TMEM50B: variants seen among roughly 807,000 people sequenced by gnomAD.
TMEM50B encodes the protein transmembrane protein 50B, also known as HCV p7-trans-regulated protein 3.
Under a neutral mutation model 23.4 loss-of-function variants are expected in TMEM50B, and 14 were observed. The observed-to-expected ratio is 0.60, with a 90% CI of 0.39 to 0.93. The LOEUF is 0.93. Among genes scored for constraint, TMEM50B ranks in the 40% least tolerant of loss-of-function variants. The pLI is 0.00. For missense variants in TMEM50B, 159 were observed against 193.0 expected (o/e 0.82, Z 1.04); for synonymous variants, 64 against 62.3 (o/e 1.03, Z -0.13).
At chr21:33,459,368 T>G (rs1382816588) in intron 5 of TMEM50B, among the ~76,000 whole-genome samples, 1 of 152,058 alleles carries the variant, frequency 6.6e-6, no homozygotes, top group African/African-American at 2.4e-5. Context: ...ACCCATGACT[T>G]AAAAATTACA....
intron 7 of TMEM50B, among the ~76,000 whole-genome samples, chr21:33,442,216 T>G (rs950291167): frequency 2.0e-5 from 3 of 152,148 alleles, no homozygotes; most frequent in South Asian, 2.1e-4. Flanking sequence ...CTTCCGGAGA[T>G]GCAGTCATGC....
At chr21:33,451,447 A>G (rs749522964) in intron 6 of TMEM50B, among the ~76,000 whole-genome samples, 4 of 152,212 alleles carry the variant, frequency 2.6e-5, no homozygotes, top group Non-Finnish European at 5.9e-5. Flanking sequence ...CTATAAAAAA[A>G]TGCTATAAAT....
At chr21:33,432,584 T>C in exon 9 of TMEM50B, 1 of 1,022,958 alleles carries the variant, frequency 9.8e-7, no homozygotes, top group Non-Finnish European at 1.5e-6. Context: ...CAGGTGAGGG[T>C]GGGGGGTAGA....
chr21:33,479,451 G>A (rs2123471794), intron 1 of TMEM50B: 2 of 152,420 alleles, frequency 1.3e-5, no homozygotes, highest in Middle Eastern at 3.4e-3. Flanking sequence ...GCCGCAGCAG[G>A]GCGTCCCGAA....
intron 7 of TMEM50B, among the ~76,000 whole-genome samples, chr21:33,440,382 G>A (rs1010799793): frequency 2.0e-5 from 3 of 152,140 alleles, no homozygotes; most frequent in East Asian, 1.9e-4. Context: ...GAGGCCAGGA[G>A]TTTGAGACCA....
At chr21:33,440,576 C>CT (rs984368368) in intron 7 of TMEM50B, among the ~76,000 whole-genome samples, 1 of 149,720 alleles carries the variant, frequency 6.7e-6, no homozygotes, top group Non-Finnish European at 1.5e-5. Context: ...GAGCGAGACT[C>CT]TGTCTCAAAA....
intron 5 of TMEM50B, among the ~76,000 whole-genome samples, chr21:33,457,574 C>A (rs2084180678): frequency 1.3e-5 from 2 of 151,718 alleles, no homozygotes; most frequent in East Asian, 3.9e-4. Context: ...TCGCTTGAAC[C>A]CGGGAGGCAG....
intron 8 of TMEM50B, among the ~76,000 whole-genome samples, chr21:33,434,848 G>A (rs1186218207): frequency 6.6e-6 from 1 of 151,968 alleles, no homozygotes; most frequent in Non-Finnish European, 1.5e-5. Context: ...TCTCTCTCCT[G>A]GTAGAACTAC....
chr21:33,432,497 G>A, exon 9 of TMEM50B: 1 of 866,374 alleles, frequency 1.2e-6, no homozygotes, highest in East Asian at 2.5e-5. Context: ...GAGATTTGCA[G>A]TAGTGGAGGC....
At chr21:33,478,679 C>T (rs921061861) in intron 1 of TMEM50B, 5 of 445,328 alleles carry the variant, frequency 1.1e-5, no homozygotes, top group African/African-American at 1.0e-4. Context: ...ACCTGCTTTT[C>T]CAGCGCGATA....
intron 5 of TMEM50B, chr21:33,456,115 A>G (rs1259309974): frequency 1.8e-6 from 1 of 542,668 alleles, no homozygotes. Context: ...GCAAAATCGT[A>G]AAAACATACA....
intron 1 of TMEM50B, among the ~76,000 whole-genome samples, chr21:33,473,033 G>C (rs2084332091): frequency 6.6e-6 from 1 of 152,060 alleles, no homozygotes; most frequent in African/African-American, 2.4e-5. Context: ...TCTTGAAACA[G>C]TCTTATGGGG....
At chr21:33,432,768 T>C in exon 9 of TMEM50B, 1 of 1,614,208 alleles carries the variant, frequency 6.2e-7, no homozygotes, top group Non-Finnish European at 8.5e-7. Flanking sequence ...TTTTCGTTGC[T>C]GTCGGTGCTG....
In TMEM50B at chr21:33,449,341, CAA is replaced by C. The variant is rs16442; in HGVS notation, c.*1475_*1476del. 13,775 of 152,542 alleles carry C rather than the reference CAA, an allele frequency of 0.09. 850 individuals carry two copies. Among genetic ancestry groups the C allele is most frequent in the East Asian group, 0.25 (1,296 of 5,166 alleles). 9.4% of individuals were successfully genotyped at this position (152,542 alleles called of 1,614,324 possible). A position where few individuals can be genotyped will look rare whatever the true frequency, so the allele number is the denominator to read the frequency against. ...ATACTCTGTGCACAAGAAATCCTCT[CAA>C]GAGAGAGGAGAGGAGTGATGCCAAA... is the stretch of plus-strand genomic sequence containing the variant. On this transcript the variant is annotated 3_prime_UTR_variant, in exon 7 of 7. Transcript: ENST00000542230.
chr21:33,433,710 T>A (rs1397835743), intron 8 of TMEM50B, among the ~76,000 whole-genome samples: 1 of 152,182 alleles, frequency 6.6e-6, no homozygotes, highest in African/African-American at 2.4e-5. Context: ...AATGTGAATG[T>A]GCTTGGCACT....
intron 8 of TMEM50B, chr21:33,437,348 C>A: frequency 4.4e-6 from 1 of 228,244 alleles, no homozygotes; most frequent in Non-Finnish European, 8.8e-6. Context: ...GCCGGAGCCC[C>A]TTGGGCAGGT....
At chr21:33,444,817 A>AAAAAAAAAAG (rs1271815428), downstream of TMEM50B, among the ~76,000 whole-genome samples, 1 of 150,492 alleles carries the variant, frequency 6.6e-6, no homozygotes, top group East Asian at 1.9e-4. Context: ...AAAAAAAAAA[A>AAAAAAAAAAG]AAAGAAAGAA....
At chr21:33,461,802 C>CA (rs71322214) in intron 4 of TMEM50B, among the ~76,000 whole-genome samples, 27,517 of 140,772 alleles carry the variant, frequency 0.2, 2,983 homozygotes, top group Non-Finnish European at 0.25. Context: ...AAAACTGTTT[C>CA]AAAAAAAAAA....
At chr21:33,453,039 A>G (rs2084136520) in intron 6 of TMEM50B, among the ~76,000 whole-genome samples, 1 of 152,218 alleles carries the variant, frequency 6.6e-6, no homozygotes, top group Non-Finnish European at 1.5e-5. Context: ...ACATTGCAGA[A>G]GTAGAGATTA....
Sources: allele counts gnomAD v4.1 joint callset (sites outside exome capture counted in the v4.1 genomes callset), GRCh38; gene constraint gnomAD v4.1.1; transcripts MANE v1.5; gene names NCBI Gene and HGNC (gene_info 2026-07-23, HGNC 2026-07-21).